The following ACOXL variants were observed in gnomAD, a reference collection of about 807,000 sequenced individuals.
ACOXL encodes acyl-CoA oxidase like, also known as acyl-coenzyme A oxidase-like protein.
Under a neutral mutation model 71.9 loss-of-function variants are expected in ACOXL, and 70 were observed. The ratio of observed to expected loss-of-function variants is 0.97; its 90% CI spans 0.80 to 1.19. The LOEUF is 1.19. Among genes scored for constraint, ACOXL ranks in the 50% most tolerant of loss-of-function variants. The probability of loss-of-function intolerance (pLI) is 0.00; values close to 1 mark genes in which losing one functional copy is unlikely to be tolerated. For synonymous variants in ACOXL, 253 were observed against 281.6 expected, an observed-to-expected ratio of 0.90 and a Z score of 1.02; for missense variants, 703 against 736.3, an observed-to-expected ratio of 0.95 and a Z score of 0.52.
At chr2:110,793,610 G>T in intron 3 of ACOXL, 40 bp from the exon 4 acceptor site, 1 of 1,565,994 alleles carries the variant, frequency 6.4e-7, no homozygotes, top group South Asian at 1.1e-5. Context: ...TTAGATTGCT[G>T]ACTGTTGCTA....
intron 9 of ACOXL, among the ~76,000 whole-genome samples, chr2:110,806,010 A>G (rs997267486): frequency 6.6e-6 from 1 of 152,260 alleles, no homozygotes; most frequent in Admixed American, 6.5e-5. Flanking sequence ...AGCCTGCTTT[A>G]AACTCCACTG....
chr2:110,909,859 A>G (rs913683891), intron 11 of ACOXL, among the ~76,000 whole-genome samples: 3 of 151,760 alleles, frequency 2.0e-5, no homozygotes, highest in Admixed American at 6.6e-5. Flanking sequence ...TCCAAGGTGC[A>G]AGGACACTGA....
intron 11 of ACOXL, among the ~76,000 whole-genome samples, chr2:110,911,604 T>TG (rs1169239864): frequency 6.6e-6 from 1 of 151,956 alleles, no homozygotes; most frequent in African/African-American, 2.4e-5. Flanking sequence ...ATAGAATATG[T>TG]GAAAAAAAAC....
chr2:110,893,885 A>T (rs1383325849), intron 10 of ACOXL, among the ~76,000 whole-genome samples: 1 of 152,178 alleles, frequency 6.6e-6, no homozygotes, highest in Non-Finnish European at 1.5e-5. Flanking sequence ...TTATTATTAA[A>T]TTAGTAGTAC....
At chr2:110,842,963 C>T (rs1378496146) in intron 10 of ACOXL, among the ~76,000 whole-genome samples, 1 of 152,168 alleles carries the variant, frequency 6.6e-6, no homozygotes, top group South Asian at 2.1e-4. Flanking sequence ...CCCTTGTAAC[C>T]CCAGCCAGGC....
chr2:110,784,803 C>T lies in ACOXL; in HGVS notation c.147C>T (p.Ala49=), dbSNP rs1204447973. 1.2e-6 allele frequency: 2 copies of T among 1,604,574 alleles called. No homozygotes were observed. Among genetic ancestry groups the T allele is most frequent in the Non-Finnish European group, 1.7e-6 (2 of 1,176,892 alleles). The stretch of plus-strand genomic sequence containing the variant: ...AAGTCCTCTCCATGGCGGACATGGC[C>T]ACAGGAGTGAAGGTGAGAGGCGCCG... ...IGEVLSMADM[A]TGVKCGIIYW... The change falls in exon 3 of 18, where the codon GCC becomes GCT. Residue 49 remains alanine (A), a synonymous_variant. Transcript: ENST00000439055.
intron 17 of ACOXL, among the ~76,000 whole-genome samples, chr2:111,104,237 A>C (rs1332129424): frequency 2.0e-5 from 3 of 152,212 alleles, no homozygotes; most frequent in Non-Finnish European, 4.4e-5. Context: ...ACATTGAAGG[A>C]TATGTGGATT....
At chr2:111,034,747 C>T (rs756781280) in intron 15 of ACOXL, among the ~76,000 whole-genome samples, 1 of 152,276 alleles carries the variant, frequency 6.6e-6, no homozygotes, top group East Asian at 1.9e-4. Context: ...ATTTCACCAG[C>T]GTATCATTAC....
chr2:110,902,410 C>T (rs1426837814), intron 10 of ACOXL, among the ~76,000 whole-genome samples: 1 of 152,188 alleles, frequency 6.6e-6, no homozygotes. Context: ...ATGGAGGTTG[C>T]CATGTGCTGA....
At chr2:111,051,041 A>T (rs2066266423) in intron 16 of ACOXL, among the ~76,000 whole-genome samples, 1 of 152,104 alleles carries the variant, frequency 6.6e-6, no homozygotes, top group Non-Finnish European at 1.5e-5. Flanking sequence ...TTTGTGTCTT[A>T]CCTGTTGGTT....
At chr2:110,789,340 A>G (rs924530363) in intron 3 of ACOXL, among the ~76,000 whole-genome samples, 4 of 152,152 alleles carry the variant, frequency 2.6e-5, no homozygotes, top group Admixed American at 2.0e-4. Context: ...CTGCTTCTCC[A>G]TGGCTGTTCT....
At chr2:111,107,275 A>T (rs1346113956) in intron 17 of ACOXL, among the ~76,000 whole-genome samples, 1 of 152,202 alleles carries the variant, frequency 6.6e-6, no homozygotes, top group Non-Finnish European at 1.5e-5. Context: ...AAATGCAAGG[A>T]ATTCACCACT....
At chr2:111,045,360 T>C (rs1365880097) in intron 15 of ACOXL, among the ~76,000 whole-genome samples, 1 of 152,230 alleles carries the variant, frequency 6.6e-6, no homozygotes, top group African/African-American at 2.4e-5. Context: ...AGGCTTCTCT[T>C]GCAAGTTGTC....
intron 16 of ACOXL, among the ~76,000 whole-genome samples, chr2:111,088,003 G>A (rs2068306998): frequency 6.6e-6 from 1 of 152,046 alleles, no homozygotes; most frequent in African/African-American, 2.4e-5. Flanking sequence ...AGACACTTCA[G>A]AAGAAGACAT....
chr2:111,095,847 C>G (rs2068772999), intron 17 of ACOXL, among the ~76,000 whole-genome samples: 1 of 152,266 alleles, frequency 6.6e-6, no homozygotes, highest in Non-Finnish European at 1.5e-5. Context: ...TGTCACATCT[C>G]TGAGCTGGCA....
chr2:111,102,805 T>C (rs1394853707), intron 17 of ACOXL, among the ~76,000 whole-genome samples: 2 of 152,244 alleles, frequency 1.3e-5, no homozygotes, highest in African/African-American at 2.4e-5. Flanking sequence ...TTTGTATAAA[T>C]TGATATTCTA....
intron 16 of ACOXL, among the ~76,000 whole-genome samples, chr2:111,061,587 A>G (rs2066815267): frequency 6.6e-6 from 1 of 152,172 alleles, no homozygotes; most frequent in Non-Finnish European, 1.5e-5. Context: ...CAAAGATGGT[A>G]AATTCAATTA....
At chr2:110,818,417 A>ATGTGTGTGTGTGTGTG (rs1405102852) in intron 9 of ACOXL, among the ~76,000 whole-genome samples, 3 of 139,298 alleles carry the variant, frequency 2.2e-5, no homozygotes, top group African/African-American at 8.5e-5. Context: ...AAACATATAT[A>ATGTGTGTGTGTGTGTG]TATATATGTG....
chr2:111,013,556 A>G (rs2064277548), intron 14 of ACOXL, among the ~76,000 whole-genome samples: 1 of 151,352 alleles, frequency 6.6e-6, no homozygotes, highest in Non-Finnish European at 1.5e-5. Context: ...GAAGTAAAAG[A>G]AAAGGAAGAT....
Sources: gnomAD v4.1 joint callset for allele counts (sites outside exome capture counted in the v4.1 genomes callset) on GRCh38, gnomAD v4.1.1 for gene constraint, MANE v1.5 for transcripts, NCBI Gene and HGNC (gene_info 2026-07-23, HGNC 2026-07-21) for gene names.